The following METTL15 variants were observed in gnomAD, a reference collection of about 807,000 sequenced individuals.
METTL15 encodes the protein 12S rRNA N(4)-cytidine methyltransferase METTL15.
In METTL15, 34 loss-of-function variants were observed where a neutral mutation model predicts 38.3. The ratio of observed to expected loss-of-function variants is 0.89; its 90% confidence interval spans 0.68 to 1.18. The LOEUF (loss-of-function observed/expected upper bound fraction) is 1.18, where lower values mean the gene tolerates loss of function less well. METTL15 is among the 50% of genes most tolerant of loss of function. METTL15 has a pLI of 0.00. For missense variants in METTL15, 438 were observed against 498.4 expected (o/e 0.88, Z 1.15); for synonymous variants, 162 against 170.9 (o/e 0.95, Z 0.41).
chr11:28,324,818 T>C lies in METTL15; in HGVS notation c.779-5578T>C, dbSNP rs190395014. Among the ~76,000 whole-genome samples, 288 of 151,718 alleles carry C rather than the reference T, an allele frequency of 1.9e-3. 1 individual carries two copies. Among genetic ancestry groups the C allele is most frequent in the African/African-American group, 6.8e-3 (282 of 41,304 alleles). On this transcript the variant is annotated intron_variant, in intron 6 of 6. Coordinates refer to ENST00000407364, the MANE Select transcript of METTL15 (RefSeq NM_001113528.2). Reference sequence around the variant, plus strand: ...ATGCCATGCCGAGGTCTGAAGGGAGTGGGTGGATAAGTAGAAAGAACAATC... The same window carrying C: ...ATGCCATGCCGAGGTCTGAAGGGAGCGGGTGGATAAGTAGAAAGAACAATC...
chr11:28,441,978 T>G (rs565556703), intron 6 of METTL15, among the ~76,000 whole-genome samples: 1 of 152,210 alleles, frequency 6.6e-6, no homozygotes, highest in Non-Finnish European at 1.5e-5. Flanking sequence ...AAGAAGTAGA[T>G]TGTGCAGGTT....
At chr11:28,357,057 C>A (rs1850096813) in intron 4 of METTL15, among the ~76,000 whole-genome samples, 1 of 152,182 alleles carries the variant, frequency 6.6e-6, no homozygotes, top group Admixed American at 6.5e-5. Flanking sequence ...TGGCTCAGTA[C>A]ACACAGAACA....
At chr11:28,139,930 C>G (rs1456702120) in intron 3 of METTL15, among the ~76,000 whole-genome samples, 1 of 146,672 alleles carries the variant, frequency 6.8e-6, no homozygotes, top group Non-Finnish European at 1.5e-5. Flanking sequence ...ATCATTGTTC[C>G]CTCCTTTTGC....
At chr11:28,108,830 ATTTT>A (rs1157128749) in intron 1 of METTL15, among the ~76,000 whole-genome samples, 4 of 152,126 alleles carry the variant, frequency 2.6e-5, no homozygotes, top group African/African-American at 9.6e-5. Context: ...AGGTGAAGTG[ATTTT>A]TTTTAAGTCC....
chr11:28,133,709 C>T (rs937107762), intron 3 of METTL15, among the ~76,000 whole-genome samples: 2 of 152,230 alleles, frequency 1.3e-5, no homozygotes, highest in East Asian at 3.9e-4. Flanking sequence ...GGAATTGAGG[C>T]TCCTACCAAC....
At chr11:28,318,444 G>T (rs928853288) in intron 6 of METTL15, among the ~76,000 whole-genome samples, 1 of 152,108 alleles carries the variant, frequency 6.6e-6, no homozygotes, top group African/African-American at 2.4e-5. Context: ...TAAAGTACAA[G>T]AAGAGGGAGG....
chr11:28,461,269 T>C (rs1222088769), intron 6 of METTL15, among the ~76,000 whole-genome samples: 6 of 152,050 alleles, frequency 3.9e-5, no homozygotes, highest in African/African-American at 1.4e-4. Flanking sequence ...AATTGACAAG[T>C]GGGGCTTTGT....
At chr11:28,154,227 TTCTC>T (rs1280486372) in intron 3 of METTL15, among the ~76,000 whole-genome samples, 3 of 152,148 alleles carry the variant, frequency 2.0e-5, no homozygotes, top group Non-Finnish European at 4.4e-5. Context: ...TCTATGTTCT[TTCTC>T]TTTCTTGTTA....
rs1023904438 is a variant in METTL15 at position 28,110,151 on chromosome 11, A to G, written c.-253-15A>G. 2.0e-5 allele frequency: 3 copies of G among 152,248 alleles called. No individual in the cohort carries two copies. Among genetic ancestry groups the G allele is most frequent in the Non-Finnish European group, 4.4e-5 (3 of 68,032 alleles). 9.4% of individuals were successfully genotyped at this position (152,248 alleles called of 1,614,324 possible). On this transcript the variant is annotated splice_polypyrimidine_tract_variant and intron_variant, in intron 1 of 6. Transcript: ENST00000407364. ...TTAAACATGGCAATAGTGAGGTCTT[A>G]TTTATTTCCCCCAGGAAAGTCGTTT...
intron 5 of METTL15, among the ~76,000 whole-genome samples, chr11:28,391,736 T>C (rs1200646335): frequency 6.6e-6 from 1 of 152,152 alleles, no homozygotes; most frequent in East Asian, 1.9e-4. Context: ...ATTTAATAAA[T>C]GGTGCTGGGA....
At chr11:28,391,261 A>C (rs1399192171) in intron 5 of METTL15, among the ~76,000 whole-genome samples, 1 of 152,032 alleles carries the variant, frequency 6.6e-6, no homozygotes, top group Non-Finnish European at 1.5e-5. Context: ...AACTTCCCAC[A>C]CTATATTGAG....
At chr11:28,201,142 C>G (rs1852097772) in intron 3 of METTL15, among the ~76,000 whole-genome samples, 1 of 152,076 alleles carries the variant, frequency 6.6e-6, no homozygotes, top group Non-Finnish European at 1.5e-5. Flanking sequence ...TTATCAAAGG[C>G]CTTTTCTGAG....
chr11:28,295,172 T>C (rs887864267), intron 5 of METTL15, among the ~76,000 whole-genome samples: 1 of 152,152 alleles, frequency 6.6e-6, no homozygotes, highest in Non-Finnish European at 1.5e-5. Context: ...TGAGCATCTT[T>C]TATGTTCCAG....
At position 28,232,170 on chromosome 11, in the gene METTL15, C is replaced by G. The variant is rs532931871; in HGVS notation, c.407+20972C>G. On this transcript the variant is annotated intron_variant, in intron 4 of 6. Transcript: ENST00000407364. ...AGAATTGTGGAGTAAACTGCAGATTCACTTCCTCAGTAAATATTTATGTAA... is the reference window on the plus strand; with the variant it reads ...AGAATTGTGGAGTAAACTGCAGATTGACTTCCTCAGTAAATATTTATGTAA... 2.0e-5 allele frequency among the ~76,000 whole-genome samples: 3 copies of G among 151,930 alleles called. No homozygotes were observed. The South Asian group carries it at 6.2e-4, about 32-fold the overall frequency.
intron 6 of METTL15, among the ~76,000 whole-genome samples, chr11:28,458,174 A>G (rs141938012): frequency 3.9e-4 from 60 of 152,310 alleles, no homozygotes; most frequent in African/African-American, 1.4e-3. Context: ...TTGTTGGTAT[A>G]TACTGTAACT....
intron 3 of METTL15, among the ~76,000 whole-genome samples, chr11:28,343,378 C>G (rs1200679997): frequency 6.6e-6 from 1 of 152,178 alleles, no homozygotes; most frequent in East Asian, 1.9e-4. Flanking sequence ...GTCACATTAA[C>G]CTGTTTAACT....
chr11:28,177,344 C>T (rs1472372383), intron 3 of METTL15, among the ~76,000 whole-genome samples: 1 of 151,812 alleles, frequency 6.6e-6, no homozygotes, highest in African/African-American at 2.4e-5. Flanking sequence ...AAGTACTTGG[C>T]CTGAAATCAA....
At chr11:28,247,446 G>C (rs1442137927) in intron 4 of METTL15, among the ~76,000 whole-genome samples, 1 of 152,058 alleles carries the variant, frequency 6.6e-6, no homozygotes, top group Admixed American at 6.6e-5. Context: ...TTAGGACACA[G>C]ATTTTGTTCA....
intron 5 of METTL15, among the ~76,000 whole-genome samples, chr11:28,405,633 G>A (rs751064110): frequency 1.3e-5 from 2 of 152,096 alleles, no homozygotes; most frequent in Non-Finnish European, 1.5e-5. Flanking sequence ...AAATGTAATA[G>A]CAACAAATTC....
Sources: gnomAD v4.1 joint callset for allele counts (sites outside exome capture counted in the v4.1 genomes callset) on GRCh38, gnomAD v4.1.1 for gene constraint, MANE v1.5 for transcripts, NCBI Gene and HGNC (gene_info 2026-07-23, HGNC 2026-07-21) for gene names.